Variants in PCSK5 observed in about 807,000 individuals in gnomAD.
PCSK5 encodes the protein prohormone convertase 5.
Under a neutral mutation model 233.2 loss-of-function variants are expected in PCSK5, and 129 were observed. That is an observed-to-expected ratio of 0.55 (90% CI 0.48 to 0.64). The LOEUF is 0.64. PCSK5 is among the 30% of genes least tolerant of loss of function. The pLI, the probability that PCSK5 is intolerant of heterozygous loss-of-function variation, is 0.00. For synonymous variants in PCSK5, 825 were observed against 879.2 expected (o/e 0.94, Z 1.09); for missense variants, 2,076 against 2,430.1 (o/e 0.85, Z 3.06).
chr9:75,979,551 CTG>C (rs1826181819), intron 2 of PCSK5, among the ~76,000 whole-genome samples: 1 of 152,178 alleles, frequency 6.6e-6, no homozygotes, highest in Non-Finnish European at 1.5e-5. Context: ...CTTTCTTTGT[CTG>C]TCCACTGGAG....
In PCSK5 at chr9:75,890,829, C is replaced by A. The variant is rs116841660; in HGVS notation, c.-353C>A. On this transcript the variant is annotated 5_prime_UTR_variant, in exon 1 of 38. Transcript: ENST00000674117. ...CCGCGCTCGGGGGCCCCGGGAGGAGCGAGACCGAGTCGGAGAGTCCGGGAG... is the reference window on the plus strand; with the variant it reads ...CCGCGCTCGGGGGCCCCGGGAGGAGAGAGACCGAGTCGGAGAGTCCGGGAG... 19,035 of 217,344 alleles carry A rather than the reference C, an allele frequency of 0.088. 1,240 individuals carry two copies. Among genetic ancestry groups the A allele is most frequent in the Non-Finnish European group, 0.12 (13,372 of 109,864 alleles). 13.5% of individuals were successfully genotyped at this position (217,344 alleles called of 1,614,324 possible). A position where few individuals can be genotyped will look rare whatever the true frequency, so the allele number is the denominator to read the frequency against.
At chr9:76,348,723 T>C (rs993328325) in intron 35 of PCSK5, among the ~76,000 whole-genome samples, 1 of 152,184 alleles carries the variant, frequency 6.6e-6, no homozygotes, top group Non-Finnish European at 1.5e-5. Flanking sequence ...CCATGAGATA[T>C]AATAGATCTC....
intron 10 of PCSK5, among the ~76,000 whole-genome samples, chr9:76,143,515 T>C (rs1309424584): frequency 6.6e-6 from 1 of 152,144 alleles, no homozygotes; most frequent in African/African-American, 2.4e-5. Flanking sequence ...ATTGTTCCTA[T>C]GATATGTCTT....
intron 9 of PCSK5, among the ~76,000 whole-genome samples, chr9:76,122,281 G>C (rs1284880631): frequency 6.6e-6 from 1 of 150,558 alleles, no homozygotes; most frequent in Non-Finnish European, 1.5e-5. Flanking sequence ...TTTCTTTCCT[G>C]TTTTCCTCTT....
intron 1 of PCSK5, among the ~76,000 whole-genome samples, chr9:75,912,310 C>A (rs549448000): frequency 6.6e-6 from 1 of 152,188 alleles, no homozygotes; most frequent in East Asian, 1.9e-4. Context: ...AGGAGAGAAC[C>A]CTACTATGTT....
At chr9:76,080,428 C>T (rs1830793778) in intron 7 of PCSK5, among the ~76,000 whole-genome samples, 1 of 152,120 alleles carries the variant, frequency 6.6e-6, no homozygotes, top group Non-Finnish European at 1.5e-5. Context: ...TACCCAAGTA[C>T]CCACAATAGT....
In PCSK5 at chr9:76,351,500, GAAA is replaced by G. The variant is rs1564196774; in HGVS notation, c.5067+573_5067+575del. ...AGAAAGAAAGAAAGAAAGAAAGAAA[GAAA>G]GAAAGAAAGAAAGAAAGAAAGAAAG... On this transcript the variant is annotated intron_variant, in intron 36 of 37. Coordinates refer to ENST00000674117, the MANE Select transcript of PCSK5 (RefSeq NM_001372043.1). Among the ~76,000 whole-genome samples, 67 of 101,732 alleles carry G rather than the reference GAAA, an allele frequency of 6.6e-4. 5 individuals carry two copies. Among genetic ancestry groups the G allele is most frequent in the East Asian group, 2.3e-3 (6 of 2,630 alleles). 66.7% of individuals were successfully genotyped at this position (101,732 alleles called of 152,430 possible).
At chr9:76,182,319 C>T (rs575412401) in intron 16 of PCSK5, among the ~76,000 whole-genome samples, 2 of 152,114 alleles carry the variant, frequency 1.3e-5, no homozygotes, top group Non-Finnish European at 2.9e-5. Context: ...AAAAATATGA[C>T]TGTCTTTTAA....
intron 2 of PCSK5, among the ~76,000 whole-genome samples, chr9:75,977,224 T>C (rs1826061396): frequency 6.6e-6 from 1 of 152,160 alleles, no homozygotes; most frequent in African/African-American, 2.4e-5. Context: ...AATTTTTTGT[T>C]AACTATTATT....
intron 5 of PCSK5, among the ~76,000 whole-genome samples, chr9:76,044,605 C>T (rs546040253): frequency 5.3e-5 from 8 of 152,266 alleles, no homozygotes; most frequent in South Asian, 2.1e-4. Context: ...GAATGCTGTA[C>T]GCAGTGCAAC....
chr9:76,158,467 G>C (rs1822701845), intron 11 of PCSK5, among the ~76,000 whole-genome samples: 1 of 152,182 alleles, frequency 6.6e-6, no homozygotes. Context: ...ACAGGAGGAA[G>C]CTAGAGAGGA....
In PCSK5 at chr9:76,322,611, C is replaced by A. The variant is rs1011952843; in HGVS notation, c.4103-441C>A. Among the ~76,000 whole-genome samples, 3 of 152,322 alleles carry A rather than the reference C, an allele frequency of 2.0e-5. No homozygotes were observed. In the East Asian group the frequency reaches 5.8e-4, roughly 29 times the overall value. On this transcript the variant is annotated intron_variant, in intron 31 of 37. Transcript: ENST00000674117. ...TCTTCACACTGATCAATCCTGTATT[C>A]ATTGTTGTACCTGATCAATGAATGA...
At chr9:76,150,530 G>A (rs546221671) in intron 10 of PCSK5, among the ~76,000 whole-genome samples, 2 of 152,258 alleles carry the variant, frequency 1.3e-5, no homozygotes, top group South Asian at 4.1e-4. Context: ...CTACTGGGGA[G>A]GCTGAGGCAA....
At chr9:76,125,830 C>T (rs545617548) in intron 9 of PCSK5, among the ~76,000 whole-genome samples, 30 of 152,240 alleles carry the variant, frequency 2.0e-4, no homozygotes, top group African/African-American at 5.1e-4. Flanking sequence ...TGTTCTTTTC[C>T]GAATGGTTGC....
intron 2 of PCSK5, among the ~76,000 whole-genome samples, chr9:75,970,125 G>A (rs547395090): frequency 2.1e-4 from 32 of 152,062 alleles, no homozygotes; most frequent in Admixed American, 4.6e-4. Flanking sequence ...CGCCCACCTT[G>A]GCCTCCCAAA....
intron 2 of PCSK5, among the ~76,000 whole-genome samples, chr9:75,984,779 A>G (rs978913314): frequency 6.6e-6 from 1 of 152,186 alleles, no homozygotes; most frequent in Admixed American, 6.5e-5. Flanking sequence ...TGAATGAATA[A>G]ATGAGTGAAT....
intron 28 of PCSK5, among the ~76,000 whole-genome samples, chr9:76,303,175 A>G (rs939661271): frequency 2.0e-5 from 3 of 152,068 alleles, no homozygotes; most frequent in Admixed American, 2.0e-4. Flanking sequence ...TGGACATATG[A>G]AGACATTACA....
intron 5 of PCSK5, among the ~76,000 whole-genome samples, chr9:76,044,277 G>T (rs1829281804): frequency 6.6e-6 from 1 of 152,140 alleles, no homozygotes; most frequent in African/African-American, 2.4e-5. Flanking sequence ...ATGTATTCAT[G>T]GTAGTATTTG....
chr9:76,188,166 A>G (rs1564092309), intron 17 of PCSK5, among the ~76,000 whole-genome samples: 1 of 152,226 alleles, frequency 6.6e-6, no homozygotes, highest in African/African-American at 2.4e-5. Flanking sequence ...ATTTATAATC[A>G]TGAAATAACT....
Sources: gnomAD v4.1 joint callset for allele counts (sites outside exome capture counted in the v4.1 genomes callset) on GRCh38, gnomAD v4.1.1 for gene constraint, MANE v1.5 for transcripts, NCBI Gene and HGNC (gene_info 2026-07-23, HGNC 2026-07-21) for gene names.